The following FMN2 variants were observed in gnomAD, a reference collection of about 807,000 sequenced individuals.
FMN2 encodes the protein formin 2.
A neutral mutation model predicts 142.3 loss-of-function variants in FMN2; 51 were observed. That is an observed-to-expected ratio of 0.36 (90% CI 0.29 to 0.45). The LOEUF (loss-of-function observed/expected upper bound fraction) is 0.45, where lower values mean the gene tolerates loss of function less well. Ranked by LOEUF, FMN2 falls within the 20% of genes least tolerant of loss-of-function variation. The probability of loss-of-function intolerance (pLI) is 1.00; values close to 1 mark genes in which losing one functional copy is unlikely to be tolerated. For missense variants in FMN2, 1,936 were observed against 2,122.8 expected (o/e 0.91, Z 1.73); for synonymous variants, 882 against 869.8 (o/e 1.01, Z -0.25).
chr1:240,275,378 T>C (rs985654963), intron 7 of FMN2, among the ~76,000 whole-genome samples: 2 of 152,130 alleles, frequency 1.3e-5, no homozygotes, highest in African/African-American at 4.8e-5. Flanking sequence ...CTGAGAATGA[T>C]GGTTTCCAGC....
At chr1:240,339,243 A>T (rs1477529322) in intron 13 of FMN2, among the ~76,000 whole-genome samples, 3 of 152,156 alleles carry the variant, frequency 2.0e-5, no homozygotes, top group Non-Finnish European at 4.4e-5. Context: ...AACAGATCAC[A>T]AAAAGGGTGA....
chr1:240,189,521 A>G (rs948088830), intron 4 of FMN2, among the ~76,000 whole-genome samples: 1 of 152,236 alleles, frequency 6.6e-6, no homozygotes, highest in African/African-American at 2.4e-5. Context: ...TTCCCTTTAG[A>G]AAAGAATCCC....
intron 6 of FMN2, among the ~76,000 whole-genome samples, chr1:240,229,214 C>T (rs888626025): frequency 2.6e-5 from 4 of 152,150 alleles, no homozygotes; most frequent in African/African-American, 7.2e-5. Flanking sequence ...AAAGCAAAAT[C>T]TAAAGACTTC....
rs1669001689 is a variant in FMN2 at position 240,271,192 on chromosome 1, CATGGTTTTCTT to C, written c.4153+13164_4153+13174del. On this transcript the variant is annotated intron_variant, in intron 7 of 17. Transcript: ENST00000319653. Reference sequence around the variant, plus strand: ...TATCCTGTTGGGGTTGCCACTGAATCATGGTTTTCTTATGAAATTTCCTATGGAACAAGTTG... The same window carrying C: ...TATCCTGTTGGGGTTGCCACTGAATCATGAAATTTCCTATGGAACAAGTTG... Among the ~76,000 whole-genome samples, 5 of 140,538 alleles carry C rather than the reference CATGGTTTTCTT, an allele frequency of 3.6e-5. No individual in the cohort carries two copies. The South Asian group carries it at 9.3e-4, about 26-fold the overall frequency. 92.2% of individuals were successfully genotyped at this position (140,538 alleles called of 152,430 possible). A position where few individuals can be genotyped will look rare whatever the true frequency, so the allele number is the denominator to read the frequency against.
At chr1:240,329,928 A>G (rs1004539331) in intron 10 of FMN2, among the ~76,000 whole-genome samples, 7 of 152,244 alleles carry the variant, frequency 4.6e-5, no homozygotes, top group African/African-American at 1.7e-4. Context: ...CGAAAACAAA[A>G]AATAAATGCT....
intron 1 of FMN2, among the ~76,000 whole-genome samples, chr1:240,119,140 C>T (rs1662136825): frequency 6.6e-6 from 1 of 151,824 alleles, no homozygotes; most frequent in African/African-American, 2.4e-5. Flanking sequence ...CCAGCCTGGC[C>T]AACATGGTGA....
At chr1:240,367,053 G>A (rs894627968) in intron 14 of FMN2, among the ~76,000 whole-genome samples, 1 of 152,160 alleles carries the variant, frequency 6.6e-6, no homozygotes, top group African/African-American at 2.4e-5. Context: ...TATCGGCAGA[G>A]TTCCAATTGT....
At chr1:240,183,302 A>G (rs1054643776) in intron 3 of FMN2, among the ~76,000 whole-genome samples, 3 of 151,812 alleles carry the variant, frequency 2.0e-5, no homozygotes, top group African/African-American at 7.3e-5. Context: ...GAGACTTGGT[A>G]GTATTCTATC....
rs371725737 is a variant in FMN2 at position 240,188,243 on chromosome 1, G to T, written c.1967G>T (p.Arg656Leu). ...GCTGTTTCAGAAACTCCCCAAAAAC[G>T]CTCAGATGCTGTCCAGAAGGTAAGA... ...QSAVSETPQK[R>L]SDAVQKEVVD... Residue 656 changes from arginine (R) to leucine (L), a missense_variant, in exon 4 of 18, where the codon CGC becomes CTC. By Grantham distance (102) the Arg-to-Leu change is moderately radical (BLOSUM62 -2). This residue lies in a region of FMN2 where 478 missense variants were observed against 462.8 expected (regional missense o/e 1.03). Coordinates refer to ENST00000319653, the MANE Select transcript of FMN2 (RefSeq NM_020066.5). The T allele has an allele frequency of 6.2e-7, 1 of 1,613,624 alleles. No homozygotes were observed. Among genetic ancestry groups the T allele is most frequent in the Non-Finnish European group, 8.5e-7 (1 of 1,179,814 alleles).
chr1:240,429,798 A>G (rs2103159821), intron 15 of FMN2, among the ~76,000 whole-genome samples: 1 of 151,938 alleles, frequency 6.6e-6, no homozygotes, highest in Non-Finnish European at 1.5e-5. Flanking sequence ...CAGTGTATCC[A>G]TTCCCCTGTT....
At chr1:240,330,936 G>A (rs1011135936) in intron 11 of FMN2, among the ~76,000 whole-genome samples, 187 bp downstream of exon 11, 3 of 152,116 alleles carry the variant, frequency 2.0e-5, no homozygotes, top group Non-Finnish European at 2.9e-5. Context: ...GTTTCCTAAA[G>A]TGAATAATTT....
rs1672345657 is a variant in FMN2, at chr1:240,358,414, C to A, written c.4858+2506C>A. 3.3e-5 allele frequency among the ~76,000 whole-genome samples: 5 copies of A among 152,180 alleles called. No homozygotes were observed. In the South Asian group the frequency reaches 1.0e-3, roughly 31 times the overall value. ...ACATAGTCACTCTCAAAGCTGTTTT[C>A]AAGAACATGTAGGGAAACAGTGGAG... On this transcript the variant is annotated intron_variant, in intron 14 of 17. Coordinates refer to ENST00000319653, the MANE Select transcript of FMN2 (RefSeq NM_020066.5).
intron 2 of FMN2, among the ~76,000 whole-genome samples, chr1:240,169,432 TC>T: frequency 6.6e-6 from 1 of 152,264 alleles, no homozygotes; most frequent in East Asian, 1.9e-4. Context: ...ATCTACATAA[TC>T]TAGGGATAGA....
chr1:240,338,631 C>G (rs1442759445), intron 13 of FMN2, among the ~76,000 whole-genome samples: 2 of 152,120 alleles, frequency 1.3e-5, no homozygotes, highest in Non-Finnish European at 2.9e-5. Flanking sequence ...TCACTTAGTT[C>G]AGCGTATTCA....
intron 17 of FMN2, 106 bp downstream of exon 17, chr1:240,472,559 A>T: frequency 1.4e-6 from 1 of 693,992 alleles, no homozygotes; most frequent in Non-Finnish European, 2.3e-6. Context: ...ACTAAGTGTG[A>T]ATAAATAAGG....
At chr1:240,195,775 T>C (rs1214655360) in intron 4 of FMN2, among the ~76,000 whole-genome samples, 1 of 151,982 alleles carries the variant, frequency 6.6e-6, no homozygotes, top group African/African-American at 2.4e-5. Context: ...TCTAGCACTT[T>C]GGGAGGCTGA....
chr1:240,123,518 A>AG (rs1662375170), intron 2 of FMN2, among the ~76,000 whole-genome samples, 173 bp downstream of exon 2: 1 of 151,508 alleles, frequency 6.6e-6, no homozygotes, highest in African/African-American at 2.4e-5. Flanking sequence ...AAAAAAAAAA[A>AG]AAAAGAAAGA....
At chr1:240,294,999 G>A in intron 8 of FMN2, 116 bp downstream of exon 8, 1 of 851,566 alleles carries the variant, frequency 1.2e-6, no homozygotes, top group Non-Finnish European at 1.8e-6. Flanking sequence ...TCCGAGTGTA[G>A]TGAATTTGCC....
rs528091840 is a variant in FMN2, at chr1:240,212,587, CAGA to C, written c.4065+1355_4065+1357del. Among the ~76,000 whole-genome samples, 258 of 152,232 alleles carry C rather than the reference CAGA, an allele frequency of 1.7e-3. 1 individual carries two copies. The highest frequency in any genetic ancestry group is 3.3e-3 in the Admixed American group (50 of 15,276). ...GCTATGTCCAGTAGTGATTAAAAAC[CAGA>C]AGGTTACTCATTTCATAATAATCAG... On this transcript the variant is annotated intron_variant, in intron 6 of 17. Transcript: ENST00000319653.
Sources: allele counts gnomAD v4.1 joint callset (sites outside exome capture counted in the v4.1 genomes callset), GRCh38; gene constraint gnomAD v4.1.1; regional missense constraint gnomAD v4.1.1; transcripts MANE v1.5; gene names NCBI Gene and HGNC (gene_info 2026-07-23, HGNC 2026-07-21).